TRIM55: variants seen among roughly 807,000 people sequenced by gnomAD.
The protein encoded by TRIM55 is tripartite motif containing 55, also known as tripartite motif-containing protein 55.
In TRIM55, 50 loss-of-function variants were observed where a neutral mutation model predicts 60.9. The ratio of observed to expected loss-of-function variants is 0.82; its 90% confidence interval spans 0.65 to 1.04. The LOEUF (loss-of-function observed/expected upper bound fraction) is 1.04. Ranked by LOEUF, TRIM55 falls within the 50% of genes least tolerant of loss-of-function variation. TRIM55 has a pLI of 0.00. For synonymous variants in TRIM55, 237 were observed against 238.1 expected (o/e 1.00, Z 0.04); for missense variants, 681 against 666.9 (o/e 1.02, Z -0.23).
chr8:66,165,775 ATAAT>A (rs1811295130), intron 9 of TRIM55, among the ~76,000 whole-genome samples: 1 of 152,224 alleles, frequency 6.6e-6, no homozygotes, highest in Non-Finnish European at 1.5e-5. Context: ...CCGGGGCCTA[ATAAT>A]CCTGGAAATT....
At chr8:66,151,091 G>A (rs1810394374) in intron 7 of TRIM55, among the ~76,000 whole-genome samples, 1 of 152,180 alleles carries the variant, frequency 6.6e-6, no homozygotes, top group Non-Finnish European at 1.5e-5. Flanking sequence ...TAAAGTGTCA[G>A]CAGGAGCAAG....
chr8:66,174,454 A>T lies in TRIM55; in HGVS notation c.1525-17A>T. ...CAAACCTCTTTTTTCTCTGATTCCC[A>T]TTTTCTTCCATTGCAGATTGGATTT... is the stretch of plus-strand genomic sequence containing the variant. On this transcript the variant is annotated splice_polypyrimidine_tract_variant and intron_variant, in intron 9 of 9. Coordinates refer to ENST00000315962, the MANE Select transcript of TRIM55 (RefSeq NM_184085.2). The T allele has an allele frequency of 3.7e-6, 6 of 1,608,520 alleles. No individual in the cohort carries two copies. Among genetic ancestry groups the T allele is most frequent in the Non-Finnish European group, 3.4e-6 (4 of 1,177,994 alleles).
Position 66,152,374 on chromosome 8 carries a change from C to T in TRIM55, c.986-3C>T. ...CAATTTACAAGATACCTTACCTTAC[C>T]AGAAGATGAAGATGAAGAAGAAGAA... On this transcript the variant is annotated splice_polypyrimidine_tract_variant and splice_region_variant and intron_variant, in intron 7 of 9. Transcript: ENST00000315962. The T allele has an allele frequency of 1.3e-6, 2 of 1,575,290 alleles. No homozygotes were observed. Among genetic ancestry groups the T allele is most frequent in the Middle Eastern group, 1.7e-4 (1 of 5,884 alleles).
chr8:66,129,325 C>T (rs941125594), intron 2 of TRIM55, among the ~76,000 whole-genome samples: 1 of 152,128 alleles, frequency 6.6e-6, no homozygotes, highest in African/African-American at 2.4e-5. Flanking sequence ...GCAGGTCAGT[C>T]CAGTCCACAA....
At chr8:66,161,755 G>GTTTTT (rs34655404) in intron 9 of TRIM55, among the ~76,000 whole-genome samples, 2 of 132,146 alleles carry the variant, frequency 1.5e-5, no homozygotes, top group Admixed American at 7.5e-5. Context: ...TATTCCTAAG[G>GTTTTT]TTTTTTTTTT....
In TRIM55 at chr8:66,128,455, T is replaced by A. The variant is rs765212280; in HGVS notation, c.320T>A (p.Ile107Asn). Residue 107 changes from isoleucine (I) to asparagine (N), a missense_variant, in exon 2 of 10, where the codon ATC becomes AAC. Physicochemically the swap from Ile to Asn is moderately radical, Grantham distance 149. Transcript: ENST00000315962. Reference sequence around the variant, plus strand: ...CTGCTGGTGGAAAATATCATTGACATCTACAAGCAGGAGTCCACCAGGTAA... The same window carrying A: ...CTGCTGGTGGAAAATATCATTGACAACTACAAGCAGGAGTCCACCAGGTAA... ...RNLLVENIID[I>N]YKQESTRPEK... 1.2e-6 allele frequency: 2 copies of A among 1,613,414 alleles called. No homozygotes were observed. The highest frequency in any genetic ancestry group is 8.5e-7 in the Non-Finnish European group (1 of 1,179,706).
chr8:66,138,664 C>G (rs942249003), intron 4 of TRIM55, among the ~76,000 whole-genome samples: 1 of 152,356 alleles, frequency 6.6e-6, no homozygotes, highest in East Asian at 1.9e-4. Flanking sequence ...GCTGGGATCA[C>G]AGGCGTGAGC....
chr8:66,133,882 C>T (rs1352697490), intron 2 of TRIM55, among the ~76,000 whole-genome samples: 1 of 152,114 alleles, frequency 6.6e-6, no homozygotes. Context: ...TGACCACTTA[C>T]ATATATGGAC....
chr8:66,159,973 G>A (rs1429838142), intron 9 of TRIM55, among the ~76,000 whole-genome samples: 4 of 152,114 alleles, frequency 2.6e-5, no homozygotes, highest in Non-Finnish European at 5.9e-5. Flanking sequence ...CTCCCAGTCT[G>A]TGGCTTTCCC....
At position 66,154,424 on chromosome 8, in the gene TRIM55, A is replaced by G. The variant is rs1810627804; in HGVS notation, c.1524+90A>G. The G allele has an allele frequency of 1.4e-5, 20 of 1,407,824 alleles. No homozygotes were observed. The South Asian group carries it at 2.6e-4, about 19-fold the overall frequency. The allele number at this position is 1,407,824 out of a possible 1,614,324, so 87.2% of individuals were successfully genotyped here. ...ACAGCAAGAAGAAAAAGGGTTTTCA[A>G]AGGGGCAGAGAGAAACCTCAGCCAG... On this transcript the variant is annotated intron_variant, in intron 9 of 9. Transcript: ENST00000315962.
chr8:66,113,998 C>T, the TRIM55 span, among the ~76,000 whole-genome samples: 5 of 150,476 alleles, frequency 3.3e-5, no homozygotes, highest in Non-Finnish European at 5.9e-5. Context: ...CCTTCGATAG[C>T]TCAGCTGGTA....
intron 5 of TRIM55, 119 bp downstream of exon 5, chr8:66,149,997 T>A: frequency 1.0e-6 from 1 of 953,958 alleles, no homozygotes; most frequent in Non-Finnish European, 1.6e-6. Flanking sequence ...AACTAAAATA[T>A]AAACCCCATG....
At chr8:66,116,283 A>G in the TRIM55 span, among the ~76,000 whole-genome samples, 1 of 152,214 alleles carries the variant, frequency 6.6e-6, no homozygotes, top group East Asian at 1.9e-4. Context: ...GGTATAGAGC[A>G]ATATAAACAA....
chr8:66,131,797 C>A (rs932178745), intron 2 of TRIM55, among the ~76,000 whole-genome samples: 2 of 152,160 alleles, frequency 1.3e-5, no homozygotes, highest in African/African-American at 4.8e-5. Flanking sequence ...AGGAATGTAA[C>A]AGAACTAAGA....
intron 6 of TRIM55, 29 bp downstream of exon 6, chr8:66,150,268 G>A (rs908736460): frequency 9.3e-6 from 15 of 1,612,624 alleles, no homozygotes; most frequent in African/African-American, 1.3e-5. Context: ...ATGTAAAAAT[G>A]CATATTTTCA....
chr8:66,160,797 G>A (rs187872277), intron 9 of TRIM55, among the ~76,000 whole-genome samples: 1 of 151,256 alleles, frequency 6.6e-6, no homozygotes, highest in African/African-American at 2.4e-5. Flanking sequence ...CTGTACGCTT[G>A]TTGGCCATTT....
At chr8:66,114,633 C>T in the TRIM55 span, 1 of 456,346 alleles carries the variant, frequency 2.2e-6, no homozygotes. Context: ...AAACAGAGAA[C>T]TTGGAAACGG....
At chr8:66,156,448 G>A (rs1201327858) in intron 9 of TRIM55, among the ~76,000 whole-genome samples, 9 of 152,072 alleles carry the variant, frequency 5.9e-5, no homozygotes, top group Admixed American at 2.0e-4. Context: ...CCGAGTCACC[G>A]TTCTCATAGC....
At position 66,144,705 on chromosome 8, in the gene TRIM55, C is replaced by T. The variant is rs993757026; in HGVS notation, c.604-4940C>T. Among the ~76,000 whole-genome samples the T allele has an allele frequency of 5.3e-5, 8 of 152,244 alleles. No individual in the cohort carries two copies. The South Asian group carries it at 1.0e-3, about 20-fold the overall frequency. On this transcript the variant is annotated intron_variant, in intron 4 of 9. Transcript: ENST00000315962. ...AGAGAAGAGGGGAGGTGTATGGCTC[C>T]GAATTGGTCTTAAAGATACATACCT...
Sources: gnomAD v4.1 joint callset for allele counts (sites outside exome capture counted in the v4.1 genomes callset) on GRCh38, gnomAD v4.1.1 for gene constraint, MANE v1.5 for transcripts, NCBI Gene and HGNC (gene_info 2026-07-23, HGNC 2026-07-21) for gene names.